Variants in TSPAN10 observed in about 807,000 individuals in gnomAD.
The protein encoded by TSPAN10 is tetraspanin-10.
TSPAN10 carries 11 observed loss-of-function variants against 15.0 expected under a neutral mutation model. The observed-to-expected ratio is 0.73, with a 90% confidence interval of 0.46 to 1.21. TSPAN10 has a LOEUF of 1.21. TSPAN10 is among the 50% of genes most tolerant of loss of function. The pLI, the probability that TSPAN10 is intolerant of heterozygous loss-of-function variation, is 0.00. For synonymous variants in TSPAN10, 241 were observed against 226.2 expected (o/e 1.07, Z -0.59); for missense variants, 486 against 470.6 (o/e 1.03, Z -0.30).
At chr17:81,637,444 C>G (rs1012522082), upstream of TSPAN10, 3 of 644,766 alleles carry the variant, frequency 4.7e-6, no homozygotes, top group Non-Finnish European at 8.1e-6. Flanking sequence ...CAGGATCACA[C>G]CTTCATGTTT....
At chr17:81,638,589 G>A (rs6565615), upstream of TSPAN10, 76,890 of 152,226 alleles carry the variant, frequency 0.51, 21,343 homozygotes, top group East Asian at 0.99. Context: ...GTGAGCCACC[G>A]TGCCCGGCTG....
intron 1 of TSPAN10, among the ~76,000 whole-genome samples, chr17:81,643,183 C>T (rs926455178): frequency 1.3e-5 from 2 of 150,064 alleles, no homozygotes; most frequent in Non-Finnish European, 1.5e-5. Context: ...TTTTTTTAGT[C>T]GAGACAGGGT....
chr17:81,644,089 TC>T (rs1199981099), intron 1 of TSPAN10, among the ~76,000 whole-genome samples: 3 of 149,176 alleles, frequency 2.0e-5, no homozygotes, highest in Non-Finnish European at 4.4e-5. Flanking sequence ...CCTCAGGTGA[TC>T]CACCCACCTC....
exon 2 of TSPAN10, chr17:81,645,561 C>G: frequency 6.2e-7 from 1 of 1,611,770 alleles, no homozygotes; most frequent in African/African-American, 1.3e-5. Context: ...TGCGCTTCCT[C>G]CTCGACCAAG....
intron 2 of TSPAN10, chr17:81,647,478 C>G (rs1243749083): frequency 6.4e-6 from 3 of 472,156 alleles, no homozygotes; most frequent in African/African-American, 2.0e-5. Context: ...CAAGCCCTTG[C>G]TCTTCCCAGT....
In TSPAN10 at chr17:81,647,668, C is replaced by T; in HGVS notation, c.675-233C>T. ...CTCCTGCTAGTCAACACAGCCACCA[C>T]CCCTACCTGCAAGCGCAGAGGACTG... On this transcript the variant is annotated intron_variant, in intron 2 of 2. Transcript: ENST00000611590. The T allele has an allele frequency of 3.1e-6, 2 of 646,056 alleles. 1 individual carries two copies. The highest frequency in any genetic ancestry group is 5.6e-6 in the Non-Finnish European group (2 of 357,082). 40.0% of individuals were successfully genotyped at this position (646,056 alleles called of 1,614,324 possible).
chr17:81,644,427 G>A (rs534871733), intron 1 of TSPAN10, among the ~76,000 whole-genome samples: 12 of 117,866 alleles, frequency 1.0e-4, no homozygotes, highest in African/African-American at 3.5e-4. Flanking sequence ...TGGTGGGGCC[G>A]AAGAATGGGT....
rs770666507 is a variant in TSPAN10 at position 81,647,881 on chromosome 17, C to T, written c.675-20C>T. 1.3e-5 allele frequency: 21 copies of T among 1,591,940 alleles called. No individual in the cohort carries two copies. In the East Asian group the frequency reaches 4.0e-4, roughly 31 times the overall value. ...AGCGGGCCCTCCCCGCCAGAACTGA[C>T]GATTCCATGCGCCTTGCAGGTACTT... On this transcript the variant is annotated intron_variant, in intron 2 of 2. Coordinates refer to ENST00000611590, the Ensembl canonical transcript of TSPAN10.
chr17:81,640,983 G>T (rs2036172992), upstream of TSPAN10, among the ~76,000 whole-genome samples: 1 of 149,570 alleles, frequency 6.7e-6, no homozygotes, highest in South Asian at 2.3e-4. Context: ...GACCAGACTG[G>T]CCAACATGGT....
exon 2 of TSPAN10, chr17:81,645,551 T>G: frequency 4.3e-6 from 7 of 1,609,920 alleles, no homozygotes; most frequent in Non-Finnish European, 5.9e-6. Flanking sequence ...GACCCAGACC[T>G]GCGCTTCCTC....
At chr17:81,639,430 TCTC>T (rs1389255730), upstream of TSPAN10, among the ~76,000 whole-genome samples, 1 of 151,574 alleles carries the variant, frequency 6.6e-6, no homozygotes, top group African/African-American at 2.4e-5. Context: ...CTGGTCTCGA[TCTC>T]CTGACCTCGT....
At chr17:81,637,646 A>C, upstream of TSPAN10, 1 of 453,998 alleles carries the variant, frequency 2.2e-6, no homozygotes, top group Middle Eastern at 6.1e-4. Flanking sequence ...TCAAAATACA[A>C]AATTAGGCCA....
chr17:81,645,666 A>G, intron 2 of TSPAN10, 37 bp downstream of exon 3: 1 of 1,605,542 alleles, frequency 6.2e-7, no homozygotes. Flanking sequence ...GGGCCACCAC[A>G]GGGTCGCAGA....
At chr17:81,637,356 T>C in exon 1 of TSPAN10, 1 of 697,732 alleles carries the variant, frequency 1.4e-6, no homozygotes, top group Non-Finnish European at 2.6e-6. Context: ...CTGCGTATTA[T>C]AGCGTATTAT....
upstream of TSPAN10, chr17:81,638,266 C>T (rs1220522048): frequency 6.6e-6 from 1 of 151,898 alleles, no homozygotes; most frequent in Non-Finnish European, 1.5e-5. Flanking sequence ...AATTAGTGTC[C>T]TTGAGAATTC....
intron 2 of TSPAN10, among the ~76,000 whole-genome samples, chr17:81,647,244 C>T (rs1185883875): frequency 1.3e-5 from 2 of 152,128 alleles, no homozygotes; most frequent in African/African-American, 2.4e-5. Context: ...CTGCTGGCCT[C>T]GTCCCCATCC....
chr17:81,646,985 TA>T (rs1415739756), intron 2 of TSPAN10, among the ~76,000 whole-genome samples: 1 of 152,028 alleles, frequency 6.6e-6, no homozygotes, highest in Non-Finnish European at 1.5e-5. Context: ...AAGCAGCACC[TA>T]CTCTCCATGC....
chr17:81,648,385 G>T (rs2144389387), downstream of TSPAN10: 1 of 1,119,864 alleles, frequency 8.9e-7, no homozygotes. Context: ...CGCCGCCGCC[G>T]CCTGATTTCG....
upstream of TSPAN10, among the ~76,000 whole-genome samples, chr17:81,641,381 G>A (rs1185587127): frequency 6.6e-6 from 1 of 152,002 alleles, no homozygotes; most frequent in East Asian, 1.9e-4. Flanking sequence ...CTTCTCCGAG[G>A]AAGATCTGAA....
Sources: gnomAD v4.1 joint callset for allele counts (sites outside exome capture counted in the v4.1 genomes callset) on GRCh38, gnomAD v4.1.1 for gene constraint, MANE v1.5 for transcripts, NCBI Gene and HGNC (gene_info 2026-07-23, HGNC 2026-07-21) for gene names.